DNAH10: variants seen among roughly 807,000 people sequenced by gnomAD.
The protein encoded by DNAH10 is axonemal beta dynein heavy chain 10.
DNAH10 carries 348 observed loss-of-function variants against 506.6 expected under a neutral mutation model. The ratio of observed to expected loss-of-function variants is 0.69; its 90% confidence interval spans 0.63 to 0.75. DNAH10 has a LOEUF of 0.75. DNAH10 is among the 30% of genes least tolerant of loss of function. The probability of loss-of-function intolerance (pLI) is 0.00; values close to 1 mark genes in which losing one functional copy is unlikely to be tolerated. For missense variants in DNAH10, 5,179 were observed against 5,787.1 expected (o/e 0.89, Z 3.41); for synonymous variants, 2,059 against 2,198.6 (o/e 0.94, Z 1.78).
rs1302596075 is a variant in DNAH10 at position 123,929,488 on chromosome 12, A to G, written c.12516+4A>G. ...CTTCAATGAGTCTGACTTCCAGGTGACAGTGGCTGCTTCTCCTTGGAAATG... is the reference window on the plus strand; with the variant it reads ...CTTCAATGAGTCTGACTTCCAGGTGGCAGTGGCTGCTTCTCCTTGGAAATG... On this transcript the variant is annotated splice_donor_region_variant and intron_variant, in intron 71 of 78. Transcript: ENST00000673944. The G allele has an allele frequency of 1.9e-6, 3 of 1,611,820 alleles. No homozygotes were observed. The highest frequency in any genetic ancestry group is 2.5e-6 in the Non-Finnish European group (3 of 1,179,110).
At chr12:123,837,360 A>G (rs533754457) in intron 28 of DNAH10, among the ~76,000 whole-genome samples, 11 of 151,740 alleles carry the variant, frequency 7.2e-5, no homozygotes, top group African/African-American at 2.4e-4. Context: ...AAGAAAAAAG[A>G]AAAAGAAGAA....
At chr12:123,766,119 TATCTATAC>T (rs1471519229) in intron 1 of DNAH10, among the ~76,000 whole-genome samples, 1 of 151,084 alleles carries the variant, frequency 6.6e-6, no homozygotes, top group Non-Finnish European at 1.5e-5. Context: ...TCTGTCTATC[TATCTATAC>T]ATCTATCTCC....
At chr12:123,922,553 G>GT in intron 65 of DNAH10, among the ~76,000 whole-genome samples, 1 of 152,250 alleles carries the variant, frequency 6.6e-6, no homozygotes, top group Middle Eastern at 3.4e-3. Flanking sequence ...AGCGTTTGGT[G>GT]TATTAGTTTG....
At chr12:123,832,969 T>C in intron 26 of DNAH10, 145 bp from the exon 27 acceptor site, 1 of 638,746 alleles carries the variant, frequency 1.6e-6, no homozygotes, top group Non-Finnish European at 2.8e-6. Context: ...ATTATTACCA[T>C]GACAGAATCC....
intron 13 of DNAH10, 78 bp downstream of exon 13, chr12:123,796,910 G>A (rs959611906): frequency 4.5e-5 from 62 of 1,366,650 alleles, no homozygotes; most frequent in Middle Eastern, 2.3e-4. Context: ...TCGCTCTGTC[G>A]CCCAGGCTGG....
intron 12 of DNAH10, among the ~76,000 whole-genome samples, chr12:123,796,215 G>A (rs1470402453): frequency 6.6e-6 from 1 of 152,134 alleles, no homozygotes; most frequent in Admixed American, 6.6e-5. Context: ...GCAGCACTTT[G>A]GGACCCTGAG....
rs750675665 is a variant in DNAH10, at chr12:123,802,145, AG to A, written c.2614+715del. On this transcript the variant is annotated intron_variant, in intron 16 of 78. Transcript: ENST00000673944. ...GTTTGTTCAGCCTTTCACCTTTTGA[AG>A]GACAACTAGGTTGTTTCCGGTTTTG... Among the ~76,000 whole-genome samples the A allele has an allele frequency of 3.2e-4, 48 of 152,314 alleles. 1 individual carries two copies. Among genetic ancestry groups the A allele is most frequent in the Admixed American group, 6.5e-4 (10 of 15,292 alleles).
chr12:123,768,390 C>G (rs1957128690), intron 2 of DNAH10, among the ~76,000 whole-genome samples: 1 of 152,146 alleles, frequency 6.6e-6, no homozygotes, highest in African/African-American at 2.4e-5. Flanking sequence ...CCTCCTCGGC[C>G]TCCCAAAGTG....
At position 123,820,770 on chromosome 12, in the gene DNAH10, C is replaced by A. The variant is rs756975764; in HGVS notation, c.4179+12C>A. On this transcript the variant is annotated intron_variant, in intron 24 of 78. Coordinates refer to ENST00000673944, the MANE Select transcript of DNAH10 (RefSeq NM_001372106.1). Reference sequence around the variant, plus strand: ...ATGAAGGACTAAAGGTGAGCATCTCCCTGAAAGCGAAGGACTCAGGCTCAC... The same window carrying A: ...ATGAAGGACTAAAGGTGAGCATCTCACTGAAAGCGAAGGACTCAGGCTCAC... The A allele has an allele frequency of 2.7e-5, 44 of 1,613,152 alleles. No individual in the cohort carries two copies. The highest frequency in any genetic ancestry group is 3.3e-4 in the Middle Eastern group (2 of 6,080).
chr12:123,842,629 C>T (rs761059384), intron 30 of DNAH10, among the ~76,000 whole-genome samples: 4 of 152,160 alleles, frequency 2.6e-5, no homozygotes, highest in Non-Finnish European at 5.9e-5. Context: ...CCTGCTGTTT[C>T]CGAGGTACTG....
chr12:123,863,335 G>T (rs151258494), intron 39 of DNAH10, among the ~76,000 whole-genome samples: 253 of 152,346 alleles, frequency 1.7e-3, no homozygotes, highest in African/African-American at 5.2e-3. Flanking sequence ...TGTGAACTCA[G>T]ATGCTCCCAG....
intron 32 of DNAH10, among the ~76,000 whole-genome samples, chr12:123,847,492 T>A (rs1275397395): frequency 6.6e-6 from 1 of 152,126 alleles, no homozygotes; most frequent in Non-Finnish European, 1.5e-5. Context: ...AGAGAGCCAA[T>A]AGTGTAGACT....
At chr12:123,818,110 G>A (rs1959177662) in intron 21 of DNAH10, among the ~76,000 whole-genome samples, 1 of 151,774 alleles carries the variant, frequency 6.6e-6, no homozygotes, top group Admixed American at 6.6e-5. Flanking sequence ...CACCACCCCA[G>A]CTAATTTTGT....
intron 57 of DNAH10, among the ~76,000 whole-genome samples, chr12:123,906,820 T>G (rs1045351957): frequency 1.3e-5 from 2 of 152,214 alleles, no homozygotes; most frequent in African/African-American, 4.8e-5. Flanking sequence ...ATCTTTTAAG[T>G]CCTTAAAAAG....
intron 57 of DNAH10, among the ~76,000 whole-genome samples, chr12:123,904,314 G>A (rs1013167781): frequency 6.6e-5 from 10 of 152,188 alleles, no homozygotes; most frequent in African/African-American, 2.4e-4. Context: ...CACAGTGGAA[G>A]TGCACACCCA....
At chr12:123,765,074 C>CT (rs1051132089) in intron 1 of DNAH10, among the ~76,000 whole-genome samples, 34 of 151,766 alleles carry the variant, frequency 2.2e-4, no homozygotes, top group African/African-American at 4.4e-4. Context: ...CCTTTGTTTC[C>CT]TTTTTTTTCC....
At chr12:123,815,703 A>G (rs928567146) in intron 21 of DNAH10, among the ~76,000 whole-genome samples, 4 of 152,186 alleles carry the variant, frequency 2.6e-5, no homozygotes, top group African/African-American at 9.7e-5. Flanking sequence ...ATTTAACACA[A>G]TGGGGATATA....
chr12:123,875,313 A>G lies in DNAH10; in HGVS notation c.8021A>G (p.Glu2674Gly). The change falls in exon 47 of 79, where the codon GAG (glutamate) becomes GGG (glycine). Residue 2674 changes from glutamate (E) to glycine (G), a missense_variant. By Grantham distance (98) the Glu-to-Gly change is moderately conservative. Transcript: ENST00000673944. ...EKGYLYDRGK[E>G]LNCKSIRDLG... is the part of the protein sequence containing the mutation. ...GGCTACTTATATGACCGTGGGAAGG[A>G]GCTGAACTGTAAAAGCATTCGAGAC... 6.2e-7 allele frequency: 1 copy of G among 1,613,782 alleles called. No individual in the cohort carries two copies.
chr12:123,868,541 A>T (rs1455553480), intron 43 of DNAH10, among the ~76,000 whole-genome samples: 1 of 152,220 alleles, frequency 6.6e-6, no homozygotes, highest in Admixed American at 6.5e-5. Context: ...ACAGTAGACA[A>T]TCAAGTGTGG....
Sources: allele counts gnomAD v4.1 joint callset (sites outside exome capture counted in the v4.1 genomes callset), GRCh38; gene constraint gnomAD v4.1.1; transcripts MANE v1.5; gene names NCBI Gene and HGNC (gene_info 2026-07-23, HGNC 2026-07-21).